PTPRD: variants seen among roughly 807,000 people sequenced by gnomAD.
PTPRD encodes the protein receptor-type tyrosine-protein phosphatase delta.
In PTPRD, 34 loss-of-function variants were observed where a neutral mutation model predicts 214.5. The observed-to-expected ratio is 0.16, with a 90% CI of 0.12 to 0.21. PTPRD has a LOEUF of 0.21. Among genes scored for constraint, PTPRD ranks in the 10% least tolerant of loss-of-function variants. The pLI, the probability that PTPRD is intolerant of heterozygous loss-of-function variation, is 1.00. For synonymous variants in PTPRD, 1,128 were observed against 845.7 expected (o/e 1.33, Z -5.79); for missense variants, 2,545 against 2,398.7 (o/e 1.06, Z -1.27).
chr9:9,952,130 G>A (rs543800283), intron 4 of PTPRD, among the ~76,000 whole-genome samples: 17 of 152,282 alleles, frequency 1.1e-4, no homozygotes, highest in African/African-American at 3.1e-4. Flanking sequence ...CCACCTGAAA[G>A]TTATGTGCCT....
At position 9,511,886 on chromosome 9, in the gene PTPRD, A is replaced by T. The variant is rs546338880; in HGVS notation, c.-237+62846T>A. ...AACAACTTTAGGTTTTCCCCTAAGGATGAGCAAATTTTTCATAGAAGACCT... is the reference window on the plus strand; with the variant it reads ...AACAACTTTAGGTTTTCCCCTAAGGTTGAGCAAATTTTTCATAGAAGACCT... On this transcript the variant is annotated intron_variant, in intron 8 of 45. Transcript: ENST00000381196. Among the ~76,000 whole-genome samples, 4 of 151,848 alleles carry T rather than the reference A, an allele frequency of 2.6e-5. No individual in the cohort carries two copies. In the East Asian group the frequency reaches 7.8e-4, roughly 29 times the overall value.
chr9:8,324,665 G>C (rs187106371), intron 44 of PTPRD, among the ~76,000 whole-genome samples: 2 of 152,200 alleles, frequency 1.3e-5, no homozygotes, highest in East Asian at 3.9e-4. Flanking sequence ...AGATCCTTGA[G>C]GAATCACCAA....
chr9:8,437,293 A>G, intron 34 of PTPRD: 1 of 1,356,716 alleles, frequency 7.4e-7, no homozygotes. Context: ...TTCTTCAAAA[A>G]AAAATGAAAT....
At chr9:10,301,156 C>A (rs992948662) in intron 3 of PTPRD, among the ~76,000 whole-genome samples, 5 of 152,110 alleles carry the variant, frequency 3.3e-5, no homozygotes, top group African/African-American at 1.2e-4. Context: ...CAAACTCCAG[C>A]AGACCTACAG....
At chr9:8,934,612 C>T (rs534348291) in intron 11 of PTPRD, among the ~76,000 whole-genome samples, 2 of 143,488 alleles carry the variant, frequency 1.4e-5, no homozygotes, top group Admixed American at 7.4e-5. Context: ...CATTACCTCA[C>T]ATAGTTTGTG....
chr9:10,601,802 C>T (rs2078042929), intron 2 of PTPRD, among the ~76,000 whole-genome samples: 1 of 151,730 alleles, frequency 6.6e-6, no homozygotes, highest in Non-Finnish European at 1.5e-5. Flanking sequence ...CCATGAAGGT[C>T]TCCAGTGGAA....
chr9:10,482,311 C>A (rs1027902028), intron 2 of PTPRD, among the ~76,000 whole-genome samples: 2 of 152,040 alleles, frequency 1.3e-5, no homozygotes, highest in Non-Finnish European at 2.9e-5. Context: ...GTGGAGCTTA[C>A]AGTGAGCCGA....
chr9:9,712,104 T>G (rs2097746781), intron 7 of PTPRD, among the ~76,000 whole-genome samples: 1 of 152,190 alleles, frequency 6.6e-6, no homozygotes, highest in South Asian at 2.1e-4. Flanking sequence ...CGGAATTTAA[T>G]TTTGAGTTTC....
chr9:9,741,438 G>A (rs1427984891), intron 6 of PTPRD, among the ~76,000 whole-genome samples: 28 of 96,060 alleles, frequency 2.9e-4, no homozygotes, highest in Non-Finnish European at 3.9e-5. Context: ...ATCCAGAAAC[G>A]TTTGAGTTGG....
chr9:8,724,010 T>C (rs922700366), intron 12 of PTPRD, among the ~76,000 whole-genome samples: 5 of 152,164 alleles, frequency 3.3e-5, no homozygotes, highest in African/African-American at 1.2e-4. Flanking sequence ...TTTAAAACTT[T>C]TATGAGAGAA....
intron 2 of PTPRD, among the ~76,000 whole-genome samples, chr9:10,495,425 G>A (rs1355306981): frequency 6.6e-6 from 1 of 151,680 alleles, no homozygotes; most frequent in Non-Finnish European, 1.5e-5. Flanking sequence ...GTCAGCTGAT[G>A]GTGATAGTAT....
chr9:8,532,449 T>C (rs1449831267), intron 14 of PTPRD, among the ~76,000 whole-genome samples: 2 of 152,028 alleles, frequency 1.3e-5, no homozygotes, highest in Non-Finnish European at 2.9e-5. Flanking sequence ...TACCAGGAAC[T>C]TGGGAATCAA....
At chr9:8,420,759 C>T (rs1384436455) in intron 35 of PTPRD, among the ~76,000 whole-genome samples, 2 of 151,112 alleles carry the variant, frequency 1.3e-5, no homozygotes, top group South Asian at 2.1e-4. Context: ...GCTCCCTTTG[C>T]CCTCAGAGTT....
chr9:9,679,859 C>CT (rs2154396716), intron 7 of PTPRD, among the ~76,000 whole-genome samples: 2 of 151,954 alleles, frequency 1.3e-5, no homozygotes, highest in Admixed American at 1.3e-4. Context: ...AATCTGGAGT[C>CT]TGTCAATAAT....
At chr9:10,400,133 C>T (rs1370801829) in intron 2 of PTPRD, among the ~76,000 whole-genome samples, 7 of 151,750 alleles carry the variant, frequency 4.6e-5, no homozygotes, top group African/African-American at 4.8e-5. Context: ...ATTCAATTCT[C>T]GTCTCCTTCA....
chr9:9,236,632 A>T (rs118009259), intron 9 of PTPRD, among the ~76,000 whole-genome samples: 2,592 of 120,782 alleles, frequency 0.021, 52 homozygotes, highest in Middle Eastern at 0.035. Flanking sequence ...ATTCATTTGA[A>T]TTATGACTTT....
At chr9:9,630,964 C>T (rs1310944995) in intron 7 of PTPRD, among the ~76,000 whole-genome samples, 15 of 151,834 alleles carry the variant, frequency 9.9e-5, no homozygotes, top group Admixed American at 5.9e-4. Context: ...ATAATGGATG[C>T]GAAGTATATA....
At chr9:9,499,520 C>A (rs1278587526) in intron 8 of PTPRD, among the ~76,000 whole-genome samples, 8 of 152,032 alleles carry the variant, frequency 5.3e-5, no homozygotes, top group Admixed American at 2.6e-4. Flanking sequence ...TACAAAAACT[C>A]ATTTATCTTC....
chr9:9,933,422 G>C (rs1472781563), intron 5 of PTPRD, among the ~76,000 whole-genome samples: 1 of 151,700 alleles, frequency 6.6e-6, no homozygotes, highest in African/African-American at 2.4e-5. Flanking sequence ...GGCAGGGGTT[G>C]CAATCCTAGT....
Sources: allele counts gnomAD v4.1 joint callset (sites outside exome capture counted in the v4.1 genomes callset), GRCh38; gene constraint gnomAD v4.1.1; transcripts MANE v1.5; gene names NCBI Gene and HGNC (gene_info 2026-07-23, HGNC 2026-07-21).